SCAP: variants seen among roughly 807,000 people sequenced by gnomAD.
SCAP encodes the protein SREBF chaperone.
SCAP carries 65 observed loss-of-function variants against 123.6 expected under a neutral mutation model. The ratio of observed to expected loss-of-function variants is 0.53; its 90% CI spans 0.43 to 0.65. The LOEUF is 0.65. Among genes scored for constraint, SCAP ranks in the 30% least tolerant of loss-of-function variants. SCAP has a pLI of 0.00. For missense variants in SCAP, 1,398 were observed against 1,712.5 expected (o/e 0.82, Z 3.24); for synonymous variants, 740 against 726.3 (o/e 1.02, Z -0.30).
intron 1 of SCAP, among the ~76,000 whole-genome samples, chr3:47,447,842 A>G (rs1026670665): frequency 6.6e-6 from 1 of 151,910 alleles, no homozygotes. Context: ...CCCCGTCTCT[A>G]TGAAAAATAC....
intron 3 of SCAP, among the ~76,000 whole-genome samples, chr3:47,431,921 A>G (rs572450847): frequency 6.6e-6 from 1 of 152,226 alleles, no homozygotes; most frequent in African/African-American, 2.4e-5. Context: ...TCATCCATTC[A>G]TTTATTTATA....
chr3:47,450,113 T>A (rs1408907205), intron 1 of SCAP, among the ~76,000 whole-genome samples: 2 of 125,308 alleles, frequency 1.6e-5, no homozygotes. Flanking sequence ...TTCTTGTGCC[T>A]CAGCCTCCCA....
intron 2 of SCAP, among the ~76,000 whole-genome samples, chr3:47,437,666 C>T (rs1025151246): frequency 5.9e-5 from 9 of 151,724 alleles, no homozygotes; most frequent in East Asian, 1.9e-4. Flanking sequence ...TCGCTTGAGC[C>T]GGGAGGCTGA....
rs1335846701 is a variant in SCAP at position 47,413,971 on chromosome 3, G to A, written c.3723C>T (p.Asn1241=). 2 of 1,613,196 alleles carry A rather than the reference G, an allele frequency of 1.2e-6. No homozygotes were observed. The highest frequency in any genetic ancestry group is 1.7e-5 in the Admixed American group (1 of 59,996). Residue 1241 remains asparagine (N), a synonymous_variant, in exon 23 of 23, where the codon AAC becomes AAT. Coordinates refer to ENST00000265565, the MANE Select transcript of SCAP (RefSeq NM_012235.4). ...TCTGGCGGGCAGGCTGGGCCTCACT[G>A]TTCTTCCCCAGGTAGACTGTCTGTA... ...DLLQTVYLGK[N]SEAQPARQIL...
intron 2 of SCAP, among the ~76,000 whole-genome samples, chr3:47,436,667 T>C (rs1369194670): frequency 2.0e-5 from 3 of 151,984 alleles, no homozygotes; most frequent in African/African-American, 7.3e-5. Flanking sequence ...AGTTGGCAAA[T>C]AGATGTACAT....
chr3:47,434,772 G>A, intron 3 of SCAP: 2 of 399,488 alleles, frequency 5.0e-6, no homozygotes, highest in Non-Finnish European at 9.1e-6. Context: ...GGGAGGCGGA[G>A]GTTGCAGTGA....
At chr3:47,467,203 G>C (rs1221262389) in intron 1 of SCAP, among the ~76,000 whole-genome samples, 2 of 151,636 alleles carry the variant, frequency 1.3e-5, no homozygotes, top group Admixed American at 6.6e-5. Flanking sequence ...TATCTAACAA[G>C]GGTTTAATAT....
intron 2 of SCAP, among the ~76,000 whole-genome samples, chr3:47,437,422 CAAAAAAAAAAAAAAA>C (rs35011639): frequency 4.7e-5 from 3 of 63,196 alleles, no homozygotes; most frequent in African/African-American, 6.9e-5. Context: ...AACTCAATCT[CAAAAAAAAAAAAAAA>C]AAAAAAAAGG....
intron 1 of SCAP, among the ~76,000 whole-genome samples, chr3:47,465,084 A>G (rs958823294): frequency 1.3e-5 from 2 of 152,228 alleles, no homozygotes; most frequent in South Asian, 4.1e-4. Flanking sequence ...ACATAAACTG[A>G]AACATTGCTG....
At chr3:47,446,942 AAAAAAT>A (rs1467044868) in intron 1 of SCAP, among the ~76,000 whole-genome samples, 1 of 152,130 alleles carries the variant, frequency 6.6e-6, no homozygotes, top group Non-Finnish European at 1.5e-5. Context: ...AGACTGTGTC[AAAAAAT>A]AAAAATAAAA....
At position 47,420,753 on chromosome 3, in the gene SCAP, C is replaced by A; in HGVS notation, c.1364G>T (p.Arg455Leu). Residue 455 changes from arginine (R) to leucine (L), a missense_variant, in exon 12 of 23, where the codon CGA (arginine) becomes CTA (leucine). Coordinates refer to ENST00000265565, the MANE Select transcript of SCAP (RefSeq NM_012235.4). This position sits in a 1 kb window ranked among gnomAD's most constrained non-coding sequence, Gnocchi z 5.0. The part of the protein sequence containing the change: ...RRMELADLNK[R>L]LPPEACLPSA... The stretch of plus-strand genomic sequence containing the variant: ...GGGCAGGCAGGCCTCAGGGGGCAGT[C>A]GCTTGTTCAGGTCTGCTAGCTGTTG... 1 of 1,610,664 alleles carries A rather than the reference C, an allele frequency of 6.2e-7. No individual in the cohort carries two copies. Among genetic ancestry groups the A allele is most frequent in the Non-Finnish European group, 8.5e-7 (1 of 1,179,880 alleles).
intron 3 of SCAP, among the ~76,000 whole-genome samples, chr3:47,433,451 C>A (rs1706447536): frequency 6.6e-6 from 1 of 152,226 alleles, no homozygotes; most frequent in Non-Finnish European, 1.5e-5. Flanking sequence ...ATTCAAAGAG[C>A]TCACAAACAC....
At chr3:47,422,759 C>T (rs1705961195) in intron 9 of SCAP, 1 of 497,644 alleles carries the variant, frequency 2.0e-6, no homozygotes, top group South Asian at 3.2e-5. Context: ...TGTTCACAGC[C>T]TGGAGGGTGC....
At position 47,419,198 on chromosome 3, in the gene SCAP, C is replaced by G; in HGVS notation, c.1940+130G>C. 1 of 1,263,478 alleles carries G rather than the reference C, an allele frequency of 7.9e-7. No homozygotes were observed. The highest frequency in any genetic ancestry group is 2.5e-5 in the East Asian group (1 of 39,640). 78.3% of individuals were successfully genotyped at this position (1,263,478 alleles called of 1,614,324 possible). On this transcript the variant is annotated intron_variant, in intron 13 of 22. Coordinates refer to ENST00000265565, the MANE Select transcript of SCAP (RefSeq NM_012235.4). This position sits in a 1 kb window ranked among gnomAD's most constrained non-coding sequence, Gnocchi z 5.0. ...GTTATAGCTGCCTAAACCACCAGTT[C>G]CCACCTCACAACCTTATGAACTGTT...
At chr3:47,437,177 C>T (rs746821251) in intron 2 of SCAP, among the ~76,000 whole-genome samples, 8 of 152,126 alleles carry the variant, frequency 5.3e-5, no homozygotes, top group South Asian at 4.2e-4. Context: ...CAGTGGCTCA[C>T]GCCTGTAATC....
chr3:47,454,092 G>T (rs1223806688), intron 1 of SCAP, among the ~76,000 whole-genome samples: 1 of 152,216 alleles, frequency 6.6e-6, no homozygotes, highest in Non-Finnish European at 1.5e-5. Context: ...GACAGGCCGG[G>T]TGCGGTGGCT....
chr3:47,431,966 C>CAA (rs1706375815), intron 3 of SCAP, among the ~76,000 whole-genome samples: 1 of 152,122 alleles, frequency 6.6e-6, no homozygotes, highest in African/African-American at 2.4e-5. Flanking sequence ...AATGGACTCA[C>CAA]AGAGAATTAT....
intron 1 of SCAP, among the ~76,000 whole-genome samples, chr3:47,464,262 T>G (rs1234396813): frequency 6.6e-6 from 1 of 152,094 alleles, no homozygotes; most frequent in Non-Finnish European, 1.5e-5. Flanking sequence ...GTGATCCGCC[T>G]GCCTCGGCCT....
intron 2 of SCAP, among the ~76,000 whole-genome samples, chr3:47,441,526 C>T (rs150498643): frequency 6.6e-6 from 1 of 151,856 alleles, no homozygotes; most frequent in East Asian, 1.9e-4. Context: ...GAAAAAAAAA[C>T]CCAAGAGCTG....
Sources: gnomAD v4.1 joint callset for allele counts (sites outside exome capture counted in the v4.1 genomes callset) on GRCh38, gnomAD v4.1.1 for gene constraint, Gnocchi (gnomAD v3.1) non-coding constraint, MANE v1.5 for transcripts, NCBI Gene and HGNC (gene_info 2026-07-23, HGNC 2026-07-21) for gene names.